SPOP: variants seen among roughly 807,000 people sequenced by gnomAD.
SPOP encodes speckle type BTB/POZ protein, also known as speckle-type POZ protein.
In SPOP, 11 loss-of-function variants were observed where a neutral mutation model predicts 45.6. The ratio of observed to expected loss-of-function variants is 0.24; its 90% CI spans 0.15 to 0.40. The LOEUF (loss-of-function observed/expected upper bound fraction) is 0.40, where lower values mean the gene tolerates loss of function less well. Ranked by LOEUF, SPOP falls within the 10% of genes least tolerant of loss-of-function variation. SPOP has a pLI of 1.00. For synonymous variants in SPOP, 166 were observed against 166.3 expected (o/e 1.00, Z 0.01); for missense variants, 152 against 465.6 (o/e 0.33, Z 6.20).
At chr17:49,632,174 A>C (rs2072462793) in intron 1 of SPOP, among the ~76,000 whole-genome samples, 1 of 152,238 alleles carries the variant, frequency 6.6e-6, no homozygotes, top group Non-Finnish European at 1.5e-5. Flanking sequence ...TGTTGAATGA[A>C]TGTAGCTATA....
chr17:49,617,923 C>CAAA (rs907445153), intron 5 of SPOP, among the ~76,000 whole-genome samples: 5 of 55,850 alleles, frequency 9.0e-5, no homozygotes, highest in African/African-American at 3.1e-4. Flanking sequence ...GACTCCGTCT[C>CAAA]AAAAAAAAAA....
intron 8 of SPOP, 25 bp downstream of exon 8, chr17:49,607,225 G>A: frequency 6.2e-7 from 1 of 1,613,808 alleles, no homozygotes; most frequent in Non-Finnish European, 8.5e-7. Flanking sequence ...TCCTAGTCCT[G>A]ATTATTTTTC....
chr17:49,669,982 T>A (rs2073117241), intron 1 of SPOP, among the ~76,000 whole-genome samples: 1 of 152,074 alleles, frequency 6.6e-6, no homozygotes. Flanking sequence ...TTCAAAGAAC[T>A]ACTGACATGG....
At chr17:49,644,727 T>C (rs1196170456) in intron 1 of SPOP, among the ~76,000 whole-genome samples, 3 of 152,170 alleles carry the variant, frequency 2.0e-5, no homozygotes, top group African/African-American at 4.8e-5. Context: ...CTTATATACA[T>C]ATAAATATAT....
chr17:49,673,917 C>T (rs1462254017), intron 1 of SPOP, among the ~76,000 whole-genome samples: 1 of 151,946 alleles, frequency 6.6e-6, no homozygotes, highest in Non-Finnish European at 1.5e-5. Flanking sequence ...GAGGCCAAGG[C>T]AGGCAGATCA....
chr17:49,649,644 A>G lies in SPOP; in HGVS notation c.-66-26768T>C, dbSNP rs529178901. 1.1e-4 allele frequency among the ~76,000 whole-genome samples: 17 copies of G among 151,678 alleles called. No homozygotes were observed. The South Asian group carries it at 2.5e-3, about 22-fold the overall frequency. On this transcript the variant is annotated intron_variant, in intron 1 of 9. Coordinates refer to ENST00000504102, the MANE Select transcript of SPOP (RefSeq NM_001007228.2). Reference sequence around the variant, plus strand: ...TCAGATCGAGACCATCCTGACTCACACAGTGAAACCCCGTCTCTACTAAAA... The same window carrying G: ...TCAGATCGAGACCATCCTGACTCACGCAGTGAAACCCCGTCTCTACTAAAA...
chr17:49,672,405 T>C (rs1189826678), intron 1 of SPOP, among the ~76,000 whole-genome samples: 2 of 152,150 alleles, frequency 1.3e-5, no homozygotes, highest in Non-Finnish European at 2.9e-5. Context: ...GAGTCTGGTA[T>C]TTACCACCTT....
intron 1 of SPOP, among the ~76,000 whole-genome samples, chr17:49,642,110 C>T (rs774516687): frequency 1.3e-5 from 2 of 151,738 alleles, no homozygotes; most frequent in South Asian, 2.1e-4. Context: ...ACTGCTGGTG[C>T]GGTGCAAATC....
chr17:49,647,524 A>G (rs1268877059), intron 1 of SPOP, among the ~76,000 whole-genome samples: 1 of 151,942 alleles, frequency 6.6e-6, no homozygotes, highest in East Asian at 1.9e-4. Context: ...TCTGTCACCC[A>G]GTCTAGAATG....
chr17:49,636,001 G>GT (rs995754436), intron 1 of SPOP, among the ~76,000 whole-genome samples: 4 of 151,718 alleles, frequency 2.6e-5, no homozygotes, highest in Non-Finnish European at 5.9e-5. Context: ...TTTTCTGTTT[G>GT]TTTTTGTTTT....
chr17:49,610,179 T>G (rs777652654), intron 6 of SPOP, among the ~76,000 whole-genome samples: 4 of 152,120 alleles, frequency 2.6e-5, no homozygotes, highest in Non-Finnish European at 4.4e-5. Flanking sequence ...CCTAGCTAAG[T>G]GTGGAGACAC....
chr17:49,636,356 T>C (rs1422510419), intron 1 of SPOP: 1 of 152,198 alleles, frequency 6.6e-6, no homozygotes, highest in African/African-American at 2.4e-5. Context: ...CCGTATCATA[T>C]ATTATCAACC....
chr17:49,622,424 G>A (rs1191284872), intron 2 of SPOP: 2 of 516,334 alleles, frequency 3.9e-6, no homozygotes, highest in African/African-American at 1.9e-5. Flanking sequence ...CACTGCCTGG[G>A]GTTGCACATC....
At chr17:49,657,602 T>C (rs2072930894) in intron 1 of SPOP, among the ~76,000 whole-genome samples, 1 of 151,878 alleles carries the variant, frequency 6.6e-6, no homozygotes, top group Non-Finnish European at 1.5e-5. Context: ...TTTCACCATG[T>C]TGGCCAGGCT....
chr17:49,659,844 C>A (rs997623842), intron 1 of SPOP, among the ~76,000 whole-genome samples: 3 of 152,186 alleles, frequency 2.0e-5, no homozygotes, highest in Non-Finnish European at 4.4e-5. Flanking sequence ...CTACTCCTCC[C>A]ATTCCTATCT....
In SPOP at chr17:49,677,743, G is replaced by A. The variant is rs1427868455; in HGVS notation, c.-67+190C>T. On this transcript the variant is annotated intron_variant, in intron 1 of 9. Coordinates refer to ENST00000504102, the MANE Select transcript of SPOP (RefSeq NM_001007228.2). ...GTCTTCTGAATGCTTGAGATAGGGAGAAGGGACGGCTGATTCGGCTCTGGC... is the reference window on the plus strand; with the variant it reads ...GTCTTCTGAATGCTTGAGATAGGGAAAAGGGACGGCTGATTCGGCTCTGGC... 8.6e-5 allele frequency among the ~76,000 whole-genome samples: 13 copies of A among 151,848 alleles called. 1 individual carries two copies. The East Asian group carries it at 2.5e-3, about 30-fold the overall frequency.
intron 1 of SPOP, among the ~76,000 whole-genome samples, chr17:49,645,306 CT>C (rs889337576): frequency 4.6e-4 from 68 of 146,252 alleles, no homozygotes; most frequent in Non-Finnish European, 4.4e-4. Flanking sequence ...TTCTTTCCTT[CT>C]TTTTTTTTTT....
intron 1 of SPOP, among the ~76,000 whole-genome samples, chr17:49,677,688 G>A (rs574390480): frequency 1.3e-5 from 2 of 152,124 alleles, no homozygotes; most frequent in African/African-American, 4.8e-5. Context: ...GGGAAATGAT[G>A]GGGGGGCTGA....
intron 1 of SPOP, chr17:49,667,955 G>C (rs1299287541): frequency 6.6e-6 from 1 of 152,182 alleles, no homozygotes; most frequent in East Asian, 1.9e-4. Context: ...GAACCTTAAG[G>C]ACACTGGGCT....
Sources: allele counts gnomAD v4.1 joint callset (sites outside exome capture counted in the v4.1 genomes callset), GRCh38; gene constraint gnomAD v4.1.1; transcripts MANE v1.5; gene names NCBI Gene and HGNC (gene_info 2026-07-23, HGNC 2026-07-21).